ARSG: variants seen among roughly 807,000 people sequenced by gnomAD.
The protein encoded by ARSG is arylsulfatase G.
In ARSG, 37 loss-of-function variants were observed where a neutral mutation model predicts 50.5. The observed-to-expected ratio is 0.73, with a 90% CI of 0.56 to 0.96. ARSG has a LOEUF of 0.96. ARSG is among the 50% of genes least tolerant of loss of function. The pLI, the probability that ARSG is intolerant of heterozygous loss-of-function variation, is 0.00. For synonymous variants in ARSG, 225 were observed against 254.6 expected (o/e 0.88, Z 1.11); for missense variants, 629 against 675.3 (o/e 0.93, Z 0.76).
At chr17:68,375,771 G>A (rs368665389) in intron 8 of ARSG, among the ~76,000 whole-genome samples, 12 of 152,254 alleles carry the variant, frequency 7.9e-5, no homozygotes, top group African/African-American at 1.9e-4. Context: ...TGGGAACATC[G>A]GGGAGTAGGA....
intron 2 of ARSG, among the ~76,000 whole-genome samples, chr17:68,324,821 A>G (rs1303619352): frequency 6.6e-6 from 1 of 152,330 alleles, no homozygotes; most frequent in East Asian, 1.9e-4. Context: ...GACAACGCTA[A>G]TGCCTATTTA....
chr17:68,429,995 C>T, the ARSG span: 14 of 1,614,030 alleles, frequency 8.7e-6, no homozygotes, highest in Middle Eastern at 1.6e-4. Flanking sequence ...ATTGTACGTA[C>T]GTTGAGAGGG....
chr17:68,368,989 G>A (rs533771640), intron 7 of ARSG, among the ~76,000 whole-genome samples: 10 of 152,352 alleles, frequency 6.6e-5, no homozygotes, highest in East Asian at 5.8e-4. Flanking sequence ...GTTGTGTGTC[G>A]ATTCAGGCTA....
the ARSG span, among the ~76,000 whole-genome samples, chr17:68,438,463 G>T: frequency 6.6e-6 from 1 of 152,238 alleles, no homozygotes; most frequent in Non-Finnish European, 1.5e-5. Context: ...TGGTTGTCTT[G>T]TGTGCTGGGT....
chr17:68,306,320 G>A (rs1051745078), intron 1 of ARSG, among the ~76,000 whole-genome samples: 1 of 152,070 alleles, frequency 6.6e-6, no homozygotes. Context: ...TTGAACCCGG[G>A]AGGCGGAGGT....
chr17:68,303,595 C>T (rs1471446152), intron 1 of ARSG, among the ~76,000 whole-genome samples: 1 of 152,174 alleles, frequency 6.6e-6, no homozygotes, highest in Non-Finnish European at 1.5e-5. Context: ...ACTACAGGTG[C>T]ACGCCACTAT....
intron 9 of ARSG, among the ~76,000 whole-genome samples, chr17:68,392,425 CTAAG>C (rs2081037635): frequency 6.6e-6 from 1 of 152,200 alleles, no homozygotes; most frequent in Non-Finnish European, 1.5e-5. Context: ...GGGTGATGGA[CTAAG>C]TGTGTGTTGT....
At chr17:68,303,638 T>C (rs1371166359) in intron 1 of ARSG, among the ~76,000 whole-genome samples, 1 of 151,982 alleles carries the variant, frequency 6.6e-6, no homozygotes, top group African/African-American at 2.4e-5. Flanking sequence ...TTAGTAGAGA[T>C]GGGGCTTCAC....
At chr17:68,338,201 C>T (rs1408661572) in intron 2 of ARSG, among the ~76,000 whole-genome samples, 2 of 151,728 alleles carry the variant, frequency 1.3e-5, no homozygotes, top group Non-Finnish European at 2.9e-5. Context: ...TGTGTGTGTG[C>T]ATGCATGTGT....
At chr17:68,422,658 G>A (rs2082875552), downstream of ARSG, 1 of 150,508 alleles carries the variant, frequency 6.6e-6, no homozygotes. Flanking sequence ...GAACCTAGGA[G>A]GTGGAGGTTG....
chr17:68,386,191 T>C (rs2080716448), intron 9 of ARSG, among the ~76,000 whole-genome samples: 2 of 152,188 alleles, frequency 1.3e-5, no homozygotes, highest in African/African-American at 2.4e-5. Flanking sequence ...CTGGGGACTT[T>C]TCACTAATTC....
At chr17:68,327,930 A>G (rs1229886915) in intron 2 of ARSG, among the ~76,000 whole-genome samples, 22 of 152,152 alleles carry the variant, frequency 1.4e-4, no homozygotes, top group African/African-American at 5.3e-4. Context: ...GGGAATGAGG[A>G]GGATCTGAAG....
intron 1 of ARSG, among the ~76,000 whole-genome samples, chr17:68,264,246 A>G (rs2075117699): frequency 6.6e-6 from 1 of 152,220 alleles, no homozygotes; most frequent in Non-Finnish European, 1.5e-5. Context: ...GGTGATTTGA[A>G]TCTGCGCCAC....
At chr17:68,389,235 C>A (rs972278757) in intron 9 of ARSG, among the ~76,000 whole-genome samples, 4 of 152,182 alleles carry the variant, frequency 2.6e-5, no homozygotes, top group Admixed American at 2.0e-4. Context: ...CTCACCCCCA[C>A]CCCCACTCTT....
chr17:68,273,821 AAAAG>A, intron 1 of ARSG: 3 of 1,383,080 alleles, frequency 2.2e-6, no homozygotes, highest in Non-Finnish European at 3.0e-6. Flanking sequence ...GTTAAAGAAA[AAAAG>A]AAAGAGAAAG....
At chr17:68,374,022 T>A (rs1418285527) in intron 8 of ARSG, among the ~76,000 whole-genome samples, 1 of 151,768 alleles carries the variant, frequency 6.6e-6, no homozygotes, top group Admixed American at 6.6e-5. Flanking sequence ...CCGGGCATGG[T>A]GGCGGGCACC....
chr17:68,377,464 C>G (rs556951585), intron 8 of ARSG, among the ~76,000 whole-genome samples: 100 of 152,318 alleles, frequency 6.6e-4, no homozygotes, highest in Admixed American at 3.4e-3. Flanking sequence ...TTTGGAGGCT[C>G]AGGCTGGGCT....
chr17:68,313,681 C>CTTTTTTTTTTT (rs10660116), intron 2 of ARSG, among the ~76,000 whole-genome samples: 1 of 123,398 alleles, frequency 8.1e-6, no homozygotes, highest in Non-Finnish European at 1.7e-5. Flanking sequence ...CTCTCTCTCT[C>CTTTTTTTTTTT]TCTTTTTTTT....
chr17:68,259,907 G>T (rs139858600), intron 1 of ARSG, among the ~76,000 whole-genome samples: 5,753 of 152,188 alleles, frequency 0.038, 356 homozygotes, highest in African/African-American at 0.13. Flanking sequence ...CTTATTTCAG[G>T]AAAAGGTCAT....
Sources: gnomAD v4.1 joint callset for allele counts (sites outside exome capture counted in the v4.1 genomes callset) on GRCh38, gnomAD v4.1.1 for gene constraint, MANE v1.5 for transcripts, NCBI Gene and HGNC (gene_info 2026-07-23, HGNC 2026-07-21) for gene names.